The following TOP1MT variants were observed in gnomAD, a reference collection of about 807,000 sequenced individuals.
The protein encoded by TOP1MT is DNA topoisomerase I mitochondrial.
TOP1MT carries 80 observed loss-of-function variants against 73.9 expected under a neutral mutation model. That is an observed-to-expected ratio of 1.08 (90% CI 0.90 to 1.30). The LOEUF is 1.30. Ranked by LOEUF, TOP1MT falls within the 50% of genes most tolerant of loss-of-function variation. The pLI is 0.00. For missense variants in TOP1MT, 815 were observed against 808.0 expected, an observed-to-expected ratio of 1.01 and a Z score of -0.10; for synonymous variants, 338 against 326.4, an observed-to-expected ratio of 1.04 and a Z score of -0.38.
upstream of TOP1MT, among the ~76,000 whole-genome samples, chr8:143,349,315 C>T (rs1290568949): frequency 6.8e-6 from 1 of 146,532 alleles, no homozygotes; most frequent in Non-Finnish European, 1.5e-5. Context: ...CTCCCACCCC[C>T]CTGCCCCCTG....
chr8:143,322,638 ACAC>A, intron 7 of TOP1MT, among the ~76,000 whole-genome samples: 1 of 41,150 alleles, frequency 2.4e-5, no homozygotes, highest in East Asian at 3.2e-3. Flanking sequence ...CGTCACACAC[ACAC>A]GCCACACGCA....
At chr8:143,357,465 ATGT>A (rs1433192154), upstream of TOP1MT, among the ~76,000 whole-genome samples, 7 of 151,892 alleles carry the variant, frequency 4.6e-5, no homozygotes, top group Non-Finnish European at 1.0e-4. Flanking sequence ...CATATTGAAC[ATGT>A]TGAAGATTGT....
At chr8:143,321,576 ACAGGCACGCCACACG>A (rs1177927335) in intron 7 of TOP1MT, among the ~76,000 whole-genome samples, 190 bp from the exon 8 acceptor site, 2 of 100,214 alleles carry the variant, frequency 2.0e-5, no homozygotes, top group Non-Finnish European at 4.1e-5. Flanking sequence ...CGCACGCCAC[ACAGGCACGCCACACG>A]CACGCACGCC....
intron 7 of TOP1MT, among the ~76,000 whole-genome samples, chr8:143,322,668 C>A (rs1174911674): frequency 3.6e-4 from 29 of 81,096 alleles, no homozygotes; most frequent in South Asian, 9.7e-4. Flanking sequence ...ACACGCACGC[C>A]ACACACGCAC....
At chr8:143,333,067 C>A (rs1816903236) in intron 1 of TOP1MT, among the ~76,000 whole-genome samples, 1 of 152,190 alleles carries the variant, frequency 6.6e-6, no homozygotes, top group Non-Finnish European at 1.5e-5. Flanking sequence ...CTGAAGGATG[C>A]AAACCTAGAC....
upstream of TOP1MT, among the ~76,000 whole-genome samples, chr8:143,349,640 C>CTTTTTTTTTTTTTTT: frequency 6.9e-6 from 1 of 145,956 alleles, no homozygotes; most frequent in African/African-American, 2.6e-5. Flanking sequence ...CATCTGTACA[C>CTTTTTTTTTTTTTTT]TTTTTTTTTT....
rs113276260 is a variant in TOP1MT, at chr8:143,333,093, A to G, written c.122+1647T>C. ...AAACCTAGACAACGCCTTCTTAGAGAATAAGGGAAGATGGATCATGTCGGG... is the reference window on the plus strand; with the variant it reads ...AAACCTAGACAACGCCTTCTTAGAGGATAAGGGAAGATGGATCATGTCGGG... On this transcript the variant is annotated intron_variant, in intron 1 of 13. Coordinates refer to ENST00000329245, the MANE Select transcript of TOP1MT (RefSeq NM_052963.3). Among the ~76,000 whole-genome samples the G allele has an allele frequency of 1.3e-3, 199 of 152,214 alleles. 1 individual carries two copies. The highest frequency in any genetic ancestry group is 4.6e-3 in the African/African-American group (191 of 41,528).
At position 143,325,335 on chromosome 8, in the gene TOP1MT, C is replaced by A; in HGVS notation, c.671+11G>T. The A allele has an allele frequency of 4.4e-6, 7 of 1,577,804 alleles. No individual in the cohort carries two copies. Among genetic ancestry groups the A allele is most frequent in the Non-Finnish European group, 5.2e-6 (6 of 1,155,796 alleles). On this transcript the variant is annotated intron_variant, in intron 5 of 13. Coordinates refer to ENST00000329245, the MANE Select transcript of TOP1MT (RefSeq NM_052963.3). Reference sequence around the variant, plus strand: ...GTCCAGTGCCCGCCTGCTGCCCGCCCGGCCACGCACCTGCTGCAGTTGATA... The same window carrying A: ...GTCCAGTGCCCGCCTGCTGCCCGCCAGGCCACGCACCTGCTGCAGTTGATA...
intron 12 of TOP1MT, chr8:143,310,639 C>T (rs1482373202): frequency 6.3e-6 from 1 of 158,810 alleles, no homozygotes; most frequent in African/African-American, 2.4e-5. Flanking sequence ...GCCCTTTCCA[C>T]ATTACTTGCA....
At chr8:143,332,358 A>T in intron 1 of TOP1MT, 1 of 660,300 alleles carries the variant, frequency 1.5e-6, no homozygotes, top group Non-Finnish European at 2.3e-6. Flanking sequence ...GGCCAGTGCA[A>T]AGGCCTCAGT....
chr8:143,325,820 C>T (rs1366468930), intron 4 of TOP1MT, among the ~76,000 whole-genome samples: 2 of 152,174 alleles, frequency 1.3e-5, no homozygotes, highest in African/African-American at 4.8e-5. Context: ...GGGAGCGTGG[C>T]TGCCCGCCAT....
At chr8:143,328,856 C>G (rs1344892490) in intron 3 of TOP1MT, among the ~76,000 whole-genome samples, 1 of 152,196 alleles carries the variant, frequency 6.6e-6, no homozygotes, top group Non-Finnish European at 1.5e-5. Flanking sequence ...GAATCCGCGG[C>G]ACACACATAA....
chr8:143,334,852 C>G lies in TOP1MT; in HGVS notation c.10G>C (p.Val4Leu). The change falls in exon 1 of 14, where the codon GTG (valine) becomes CTG (leucine). Residue 4 changes from valine (V) to leucine (L), a missense_variant. Val to Leu is a conservative substitution (Grantham distance 32, BLOSUM62 1). Around this residue, in one of 3 missense-constraint regions of TOP1MT, gnomAD observed 60 missense variants for 65.9 expected, o/e 0.91. Coordinates refer to ENST00000329245, the MANE Select transcript of TOP1MT (RefSeq NM_052963.3). ...GCCGCCCGGAGCCGCAGCAGCCGCA[C>G]CACGCGCATCTGCCAGCCTCCGGGA... Reference protein sequence around the residue: MRVVRLLRLRAALT... With the variant: MRVLRLLRLRAALT... The G allele has an allele frequency of 6.7e-7, 1 of 1,502,146 alleles. No individual in the cohort carries two copies. The highest frequency in any genetic ancestry group is 8.8e-7 in the Non-Finnish European group (1 of 1,135,396). 93.1% of individuals were successfully genotyped at this position (1,502,146 alleles called of 1,614,324 possible). A position where few individuals can be genotyped will look rare whatever the true frequency, so the allele number is the denominator to read the frequency against.
rs749449114 is a variant in TOP1MT at position 143,331,280 on chromosome 8, G to C, written c.182C>G (p.Pro61Arg). 2 of 1,612,910 alleles carry C rather than the reference G, an allele frequency of 1.2e-6. No homozygotes were observed. The highest frequency in any genetic ancestry group is 1.7e-6 in the Non-Finnish European group (2 of 1,179,150). ...VKWRQLEHKG[P>R]YFAPPYEPLP... ...GGGCTCGTATGGGGGTGCGAAGTAC[G>C]GGCCCTTGTGCTCCAGCTGTCTCCA... The change falls in exon 2 of 14, where the codon CCG becomes CGG. Residue 61 changes from proline to arginine, a missense_variant. Pro to Arg is a moderately radical substitution (Grantham distance 103). Coordinates refer to ENST00000329245, the MANE Select transcript of TOP1MT (RefSeq NM_052963.3).
chr8:143,310,442 G>C, intron 12 of TOP1MT: 1 of 421,614 alleles, frequency 2.4e-6, no homozygotes. Context: ...CGGAGGGTGA[G>C]CAGCCCGTCA....
chr8:143,310,126 G>A lies in TOP1MT; in HGVS notation c.1645C>T (p.Gln549Ter), dbSNP rs972831493. 13 of 1,613,494 alleles carry A rather than the reference G, an allele frequency of 8.1e-6. No homozygotes were observed. The highest frequency in any genetic ancestry group is 1.0e-5 in the Non-Finnish European group (12 of 1,179,948). ...AGCTTGGACGTGCCCAGGGCCACCT[G>A]CTTGTTCTCCTCCTTGTCCGTGGCC... ...VQATDKEENK[Q>*]VALGTSKLNY... The change falls in exon 13 of 14, where the codon CAG (glutamine) becomes TAG (stop). Residue 549 changes from glutamine to a stop codon, truncating the protein, a stop_gained. Coordinates refer to ENST00000329245, the MANE Select transcript of TOP1MT (RefSeq NM_052963.3). LOFTEE classifies it high-confidence loss of function.
At chr8:143,346,957 A>AT (rs771939908), upstream of TOP1MT, among the ~76,000 whole-genome samples, 1 of 115,764 alleles carries the variant, frequency 8.6e-6, no homozygotes, top group African/African-American at 3.3e-5. Context: ...TCACTTCTTT[A>AT]TTTATTTATT....
upstream of TOP1MT, among the ~76,000 whole-genome samples, chr8:143,347,775 G>A (rs1026425358): frequency 1.3e-5 from 2 of 152,180 alleles, no homozygotes; most frequent in African/African-American, 4.8e-5. Context: ...AAAGCACAAT[G>A]GGAGAGAGGG....
chr8:143,345,214 C>T (rs1817199461), upstream of TOP1MT, among the ~76,000 whole-genome samples: 1 of 152,210 alleles, frequency 6.6e-6, no homozygotes, highest in African/African-American at 2.4e-5. Context: ...CCAGCCAGTC[C>T]TTCCCGAGGA....
Sources: allele counts gnomAD v4.1 joint callset (sites outside exome capture counted in the v4.1 genomes callset), GRCh38; gene constraint gnomAD v4.1.1; regional missense constraint gnomAD v4.1.1; transcripts MANE v1.5; gene names NCBI Gene and HGNC (gene_info 2026-07-23, HGNC 2026-07-21).